RAPGEF6: variants seen among roughly 807,000 people sequenced by gnomAD.
RAPGEF6 encodes PDZ domain containing guanine nucleotide exchange factor (GEF) 2.
A neutral mutation model predicts 171.4 loss-of-function variants in RAPGEF6; 56 were observed. That is an observed-to-expected ratio of 0.33 (90% CI 0.26 to 0.41). The LOEUF (loss-of-function observed/expected upper bound fraction) is 0.41. Among genes scored for constraint, RAPGEF6 ranks in the 10% least tolerant of loss-of-function variants. The pLI, the probability that RAPGEF6 is intolerant of heterozygous loss-of-function variation, is 1.00. For synonymous variants in RAPGEF6, 692 were observed against 650.1 expected (o/e 1.06, Z -0.98); for missense variants, 1,674 against 1,921.4 (o/e 0.87, Z 2.41).
intron 7 of RAPGEF6, among the ~76,000 whole-genome samples, chr5:131,517,605 C>A (rs971952701): frequency 9.4e-5 from 6 of 64,038 alleles, no homozygotes; most frequent in Non-Finnish European, 2.4e-4. Flanking sequence ...TCAGCTATCC[C>A]AGGCTAAGAT....
Position 131,559,551 on chromosome 5 carries a change from T to G in RAPGEF6, c.351+2427A>C, listed in dbSNP as rs141757348. ...CTAAAAGTATACTTTGGGCCAGGCA[T>G]GGTGGCTCACACCTGTAAGTCCAAC... On this transcript the variant is annotated intron_variant, in intron 5 of 27. Transcript: ENST00000509018. Among the ~76,000 whole-genome samples the G allele has an allele frequency of 3.2e-3, 488 of 152,166 alleles. 3 individuals carry two copies. The highest frequency in any genetic ancestry group is 0.011 in the African/African-American group (464 of 41,528).
intron 12 of RAPGEF6, among the ~76,000 whole-genome samples, chr5:131,497,533 A>G (rs1313640877): frequency 6.6e-6 from 1 of 152,166 alleles, no homozygotes; most frequent in African/African-American, 2.4e-5. Flanking sequence ...TTTTGTTTAT[A>G]GTATAAGGTG....
chr5:131,516,372 A>C (rs1406598810), intron 7 of RAPGEF6, among the ~76,000 whole-genome samples: 1 of 152,158 alleles, frequency 6.6e-6, no homozygotes, highest in Non-Finnish European at 1.5e-5. Flanking sequence ...ATATTAAAGA[A>C]AGGTGTAAGA....
intron 4 of RAPGEF6, among the ~76,000 whole-genome samples, chr5:131,583,194 C>T (rs1458745850): frequency 1.3e-5 from 2 of 152,156 alleles, no homozygotes; most frequent in Non-Finnish European, 2.9e-5. Flanking sequence ...CCCCTCTTGG[C>T]CAGGGGCACC....
intron 1 of RAPGEF6, among the ~76,000 whole-genome samples, chr5:131,625,979 T>A (rs906291774): frequency 1.3e-5 from 2 of 152,194 alleles, no homozygotes; most frequent in African/African-American, 4.8e-5. Context: ...CCCACTCAAT[T>A]ACATCTCCAA....
rs142659381 is a variant in RAPGEF6 at position 131,461,996 on chromosome 5, T to C, written c.2573A>G (p.Gln858Arg). The C allele has an allele frequency of 1.3e-5, 21 of 1,613,910 alleles. No individual in the cohort carries two copies. The African/African-American group carries it at 1.9e-4, about 14-fold the overall frequency. Residue 858 changes from glutamine to arginine, a missense_variant, in exon 19 of 28, where the codon CAG (glutamine) becomes CGG (arginine). This residue lies in a region of RAPGEF6 where 1,116 missense variants were observed against 1,321.5 expected (regional missense o/e 0.84). Coordinates refer to ENST00000509018, the MANE Select transcript of RAPGEF6 (RefSeq NM_016340.6). ...LVKESQLSMLQLSTIEVATQL... is the reference protein window; with the variant it reads ...LVKESQLSMLRLSTIEVATQL... Reference sequence around the variant, plus strand: ...GGTGGCCACCTCAATGGTACTGAGCTGCAGCATGGATAGCTGGCTTTCCTT... The same window carrying C: ...GGTGGCCACCTCAATGGTACTGAGCCGCAGCATGGATAGCTGGCTTTCCTT...
chr5:131,451,778 G>A (rs1452042612), intron 21 of RAPGEF6, among the ~76,000 whole-genome samples: 2 of 152,022 alleles, frequency 1.3e-5, no homozygotes, highest in Admixed American at 1.3e-4. Flanking sequence ...TGTTTCCTTA[G>A]CACAGTATAT....
At position 131,505,246 on chromosome 5, in the gene RAPGEF6, T is replaced by C. The variant is rs533047417; in HGVS notation, c.1101+118A>G. 2.0e-5 allele frequency: 19 copies of C among 963,146 alleles called. No individual in the cohort carries two copies. In the African/African-American group the frequency reaches 3.0e-4, roughly 15 times the overall value. The allele number at this position is 963,146 out of a possible 1,614,324, so 59.7% of individuals were successfully genotyped here. ...ACAAAATCTACTTTCCTTTATTAAC[T>C]GTGAGCTATTGAAACTCCTAATTCT... On this transcript the variant is annotated intron_variant, in intron 10 of 27. Transcript: ENST00000509018.
chr5:131,614,280 T>TAAAAA (rs777754006), intron 1 of RAPGEF6, among the ~76,000 whole-genome samples: 1 of 5,788 alleles, frequency 1.7e-4, no homozygotes, highest in African/African-American at 9.1e-4. Flanking sequence ...AGACTCTGTC[T>TAAAAA]CAAAAAAAAA....
rs372453693 is a variant in RAPGEF6, at chr5:131,431,366, C to A, written c.3975-17G>T. ...AGTGTCCACCTAAAATTGGAGATAA[C>A]GTACAATTAGAAGGCTTGCCAGAAA... is the stretch of plus-strand genomic sequence containing the variant. On this transcript the variant is annotated splice_polypyrimidine_tract_variant and intron_variant, in intron 25 of 27. Coordinates refer to ENST00000509018, the MANE Select transcript of RAPGEF6 (RefSeq NM_016340.6). 2.7e-5 allele frequency: 43 copies of A among 1,569,822 alleles called. No individual in the cohort carries two copies. Among genetic ancestry groups the A allele is most frequent in the Non-Finnish European group, 3.5e-5 (41 of 1,156,064 alleles).
At position 131,489,657 on chromosome 5, in the gene RAPGEF6, T is replaced by A; in HGVS notation, c.1732-3A>T. On this transcript the variant is annotated splice_region_variant and splice_polypyrimidine_tract_variant and intron_variant, in intron 14 of 27. Transcript: ENST00000509018. ...TTTTGTCCATTTACTTCCATAATCT[T>A]AAAAGTATTTAAAAAATACAAATTA... 1.4e-6 allele frequency: 2 copies of A among 1,455,716 alleles called. No homozygotes were observed. Among genetic ancestry groups the A allele is most frequent in the Non-Finnish European group, 1.9e-6 (2 of 1,057,706 alleles). The allele number at this position is 1,455,716 out of a possible 1,614,324, so 90.2% of individuals were successfully genotyped here.
At chr5:131,603,081 T>C (rs940649120) in intron 3 of RAPGEF6, among the ~76,000 whole-genome samples, 190 bp downstream of exon 3, 3 of 152,178 alleles carry the variant, frequency 2.0e-5, no homozygotes, top group Non-Finnish European at 4.4e-5. Flanking sequence ...ACACATTTAG[T>C]ATATATTTAT....
intron 21 of RAPGEF6, among the ~76,000 whole-genome samples, chr5:131,448,045 G>C (rs539191414): frequency 6.6e-6 from 1 of 152,316 alleles, no homozygotes; most frequent in African/African-American, 2.4e-5. Flanking sequence ...CCCAAAGCAA[G>C]TGACAAGAGA....
At position 131,519,278 on chromosome 5, in the gene RAPGEF6, C is replaced by T. The variant is rs536127520; in HGVS notation, c.627+2112G>A. Among the ~76,000 whole-genome samples the T allele has an allele frequency of 2.6e-5, 4 of 152,332 alleles. No individual in the cohort carries two copies. In the East Asian group the frequency reaches 5.8e-4, roughly 22 times the overall value. On this transcript the variant is annotated intron_variant, in intron 7 of 27. Coordinates refer to ENST00000509018, the MANE Select transcript of RAPGEF6 (RefSeq NM_016340.6). ...CAAAGATGTAGGGACCAACTGTGTA[C>T]AGTCCATCTTCTAGTTCACAATAAA...
Position 131,592,313 on chromosome 5 carries a change from AG to A in RAPGEF6, c.281+69del, listed in dbSNP as rs1311542885. 7,726 of 1,563,448 alleles carry A rather than the reference AG, an allele frequency of 4.9e-3. 34 individuals carry two copies. Among genetic ancestry groups the A allele is most frequent in the Non-Finnish European group, 5.1e-3 (5,941 of 1,155,850 alleles). ...TTTAAAAGATGTATCACTTACTGAAAGAAAATATACATCCTATACAAAATAG... is the reference window on the plus strand; with the variant it reads ...TTTAAAAGATGTATCACTTACTGAAAAAAATATACATCCTATACAAAATAG... On this transcript the variant is annotated intron_variant, in intron 4 of 27. Coordinates refer to ENST00000509018, the MANE Select transcript of RAPGEF6 (RefSeq NM_016340.6).
intron 17 of RAPGEF6, among the ~76,000 whole-genome samples, chr5:131,470,296 T>C (rs1239070082): frequency 6.6e-6 from 1 of 152,238 alleles, no homozygotes; most frequent in African/African-American, 2.4e-5. Context: ...TTTAAACATG[T>C]TCTCAAGGAG....
intron 20 of RAPGEF6, among the ~76,000 whole-genome samples, chr5:131,455,062 C>T (rs1215931840): frequency 1.3e-5 from 2 of 152,144 alleles, no homozygotes; most frequent in Non-Finnish European, 2.9e-5. Flanking sequence ...AAGGAGAATA[C>T]TAAACAGTGT....
chr5:131,488,599 A>G (rs1756081714), intron 15 of RAPGEF6, among the ~76,000 whole-genome samples: 2 of 152,202 alleles, frequency 1.3e-5, no homozygotes, highest in Admixed American at 1.3e-4. Flanking sequence ...TACCAGATTT[A>G]ACATGATGTA....
At chr5:131,451,022 G>T (rs1385754035) in intron 21 of RAPGEF6, among the ~76,000 whole-genome samples, 1 of 152,134 alleles carries the variant, frequency 6.6e-6, no homozygotes, top group African/African-American at 2.4e-5. Context: ...GTAAATAGAG[G>T]TCCACATAAG....
Sources: allele counts gnomAD v4.1 joint callset (sites outside exome capture counted in the v4.1 genomes callset), GRCh38; gene constraint gnomAD v4.1.1; regional missense constraint gnomAD v4.1.1; transcripts MANE v1.5; gene names NCBI Gene and HGNC (gene_info 2026-07-23, HGNC 2026-07-21).